Variants in SPIN3 observed in about 807,000 individuals in gnomAD.
SPIN3 encodes the protein spindlin-3.
For synonymous variants in SPIN3, 74 were observed against 74.3 expected (o/e 1.00, Z 0.02); for missense variants, 176 against 196.4 (o/e 0.90, Z 0.62).
exon 6 of SPIN3, chrX:56,976,861 ATT>A (rs768464125): frequency 1.8e-5 from 2 of 111,902 alleles, no homozygotes; most frequent in Non-Finnish European, 3.8e-5. Flanking sequence ...ACCAAATTAA[ATT>A]TGTCAGTATA....
At chrX:56,976,891 T>C (rs945562701) in exon 6 of SPIN3, 1 of 111,918 alleles carries the variant, frequency 8.9e-6, no homozygotes, top group African/African-American at 3.2e-5. Flanking sequence ...TAAAATAAGA[T>C]TGCTAGCCAA....
chrX:56,987,710 T>C (rs1028550007), downstream of SPIN3, among the ~76,000 whole-genome samples: 1 of 111,872 alleles, frequency 8.9e-6, no homozygotes, highest in South Asian at 3.7e-4. Context: ...TCCAGTAATG[T>C]TATAAAGATT....
chrX:56,990,257 G>A (rs1924301275), downstream of SPIN3, among the ~76,000 whole-genome samples: 1 of 111,644 alleles, frequency 9.0e-6, no homozygotes, highest in African/African-American at 3.3e-5. Flanking sequence ...GAATGAAACT[G>A]ACACACAGAG....
rs760370128 is a variant in SPIN3 at position 56,991,214 on chromosome X, G to A, written c.*2957C>T. 45 of 112,236 alleles carry A rather than the reference G, an allele frequency of 4.0e-4. No individual in the cohort carries two copies. The highest frequency in any genetic ancestry group is 1.4e-3 in the African/African-American group (44 of 30,964). The allele number at this position is 112,236 out of a possible 1,213,427, so 9.2% of individuals were successfully genotyped here. Reference sequence around the variant, plus strand: ...TACCAGCTTTATAGCTGATAGAGCTGGATTGGAGAACATGGCTTGGACCTG... The same window carrying A: ...TACCAGCTTTATAGCTGATAGAGCTAGATTGGAGAACATGGCTTGGACCTG... On this transcript the variant is annotated 3_prime_UTR_variant, in exon 2 of 2. Coordinates refer to ENST00000374919, the MANE Select transcript of SPIN3 (RefSeq NM_001010862.3).
intron 3 of SPIN3, among the ~76,000 whole-genome samples, chrX:56,980,777 C>T (rs1924099738): frequency 9.1e-6 from 1 of 110,118 alleles, no homozygotes; most frequent in Non-Finnish European, 1.9e-5. Flanking sequence ...AAGGCCCGCA[C>T]AGCTCTTAAA....
At chrX:56,976,487 A>C (rs1207688434) in exon 6 of SPIN3, 1 of 111,841 alleles carries the variant, frequency 8.9e-6, no homozygotes, top group Non-Finnish European at 1.9e-5. Flanking sequence ...TTCTCTGAGG[A>C]AATTAAAAGC....
chrX:56,979,894 G>A (rs1196862062), intron 3 of SPIN3: 1 of 112,040 alleles, frequency 8.9e-6, no homozygotes, highest in Admixed American at 9.5e-5. Context: ...TTAAGACCTC[G>A]TTCATAGGAC....
At position 56,980,933 on chromosome X, in the gene SPIN3, G is replaced by T. The variant is rs1278576968; in HGVS notation, c.*205-2273C>A. On this transcript the variant is annotated intron_variant and NMD_transcript_variant, in intron 3 of 5. Coordinates refer to the SPIN3 transcript ENST00000475785. ...TACAGAACATTACCGGCATTAAAAA[G>T]AAAAAAAATAAAAAGAAACATATTA... Among the ~76,000 whole-genome samples, 4 of 102,034 alleles carry T rather than the reference G, an allele frequency of 3.9e-5. No homozygotes were observed. In the East Asian group the frequency reaches 1.2e-3, roughly 31 times the overall value. 88.6% of individuals were successfully genotyped at this position (102,034 alleles called of 115,157 possible).
At chrX:56,987,375 T>C, downstream of SPIN3, among the ~76,000 whole-genome samples, 1 of 110,548 alleles carries the variant, frequency 9.0e-6, no homozygotes, top group African/African-American at 3.3e-5. Context: ...TTGCATGGGC[T>C]GGCTTCTTTA....
At position 56,991,854 on chromosome X, in the gene SPIN3, C is replaced by T. The variant is rs1333537718; in HGVS notation, c.*2317G>A. 4.2e-6 allele frequency: 1 copy of T among 238,927 alleles called. No homozygotes were observed. The highest frequency in any genetic ancestry group is 2.8e-5 in the African/African-American group (1 of 35,301). The allele number at this position is 238,927 out of a possible 1,213,427, so 19.7% of individuals were successfully genotyped here. On this transcript the variant is annotated 3_prime_UTR_variant, in exon 2 of 2. Coordinates refer to ENST00000374919, the MANE Select transcript of SPIN3 (RefSeq NM_001010862.3). Reference sequence around the variant, plus strand: ...TGATCACAATTGCAGCCCTAATTTACAATTATGTCCAGCCATATTTCCTGA... The same window carrying T: ...TGATCACAATTGCAGCCCTAATTTATAATTATGTCCAGCCATATTTCCTGA...
At chrX:56,983,924 G>A (rs1159708553) in intron 3 of SPIN3, among the ~76,000 whole-genome samples, 1 of 112,240 alleles carries the variant, frequency 8.9e-6, no homozygotes, top group African/African-American at 3.2e-5. Context: ...AGAGCCGTAG[G>A]TTAACTAGGT....
rs1214495752 is a variant in SPIN3, at chrX:56,994,690, T to C, written c.258A>G (p.Lys86=). The change falls in exon 2 of 2, where the codon AAA becomes AAG. Residue 86 remains lysine, a synonymous_variant. Transcript: ENST00000374919. The part of the protein sequence containing the change: ...VPVNPSLYLI[K]YDGFDCVYGL... ...CATAAACACAGTCAAATCCATCATA[T>C]TTGATAAGATACAGAGAGGGATTTA... 8.3e-7 allele frequency: 1 copy of C among 1,210,379 alleles called. No homozygotes were observed. Among genetic ancestry groups the C allele is most frequent in the Non-Finnish European group, 1.1e-6 (1 of 895,333 alleles).
chrX:56,994,183 T>C lies in SPIN3; in HGVS notation c.765A>G (p.Val255=), dbSNP rs1378892512. 10 of 1,199,595 alleles carry C rather than the reference T, an allele frequency of 8.3e-6. No homozygotes were observed. Among genetic ancestry groups the C allele is most frequent in the Middle Eastern group, 2.3e-4 (1 of 4,313 alleles). ...TTCAAGATGACCTCTAAGATGTTTT[T>C]ACCAAATCGTAGACATAGATATGGA... The part of the protein sequence containing the change: ...DDFHIYVYDL[V]KTS The change falls in exon 2 of 2, where the codon GTA becomes GTG. Residue 255 remains valine, a synonymous_variant. Transcript: ENST00000374919.
rs1163910473 is a variant in SPIN3 at position 56,993,583 on chromosome X, G to A, written c.*588C>T. ...TCAGCCTATGGTTAGGTACTAAAAT[G>A]CAAAGTAATTACCTTCTTAATTCTA... On this transcript the variant is annotated 3_prime_UTR_variant, in exon 2 of 2. Transcript: ENST00000374919. 1 of 112,314 alleles carries A rather than the reference G, an allele frequency of 8.9e-6. No individual in the cohort carries two copies. The highest frequency in any genetic ancestry group is 1.9e-5 in the Non-Finnish European group (1 of 53,312). The allele number at this position is 112,314 out of a possible 1,213,427, so 9.3% of individuals were successfully genotyped here.
chrX:56,987,433 GAAGT>G (rs1247780444), downstream of SPIN3, among the ~76,000 whole-genome samples: 1 of 110,597 alleles, frequency 9.0e-6, no homozygotes, highest in Non-Finnish European at 1.9e-5. Context: ...ACCTTTTGCT[GAAGT>G]AGTTCCCTTA....
In SPIN3 at chrX:56,994,389, G is replaced by A. The variant is rs1026391954; in HGVS notation, c.559C>T (p.Arg187Cys). 2.5e-6 allele frequency: 3 copies of A among 1,211,194 alleles called. No individual in the cohort carries two copies. The highest frequency in any genetic ancestry group is 2.2e-5 in the Admixed American group (1 of 46,015). ...GAATCATTGGAATCTTGAAGGATGC[G>A]GAGGTCACCATCTTTATAATCATCT... ...LLDDYKDGDL[R>C]ILQDSNDSPL... The change falls in exon 2 of 2, where the codon CGC becomes TGC. Residue 187 changes from arginine (R) to cysteine (C), a missense_variant. Coordinates refer to ENST00000374919, the MANE Select transcript of SPIN3 (RefSeq NM_001010862.3).
Position 56,992,601 on chromosome X carries a change from T to G in SPIN3, c.*1570A>C, listed in dbSNP as rs1291911908. ...AACTTAAACTAATTTGGAAGATATC[T>G]TGCAGTACAGTCCCAATATGATTGT... On this transcript the variant is annotated 3_prime_UTR_variant, in exon 2 of 2. Coordinates refer to ENST00000374919, the MANE Select transcript of SPIN3 (RefSeq NM_001010862.3). 2 of 295,335 alleles carry G rather than the reference T, an allele frequency of 6.8e-6. No homozygotes were observed. The highest frequency in any genetic ancestry group is 1.2e-4 in the Admixed American group (2 of 16,214). The allele number at this position is 295,335 out of a possible 1,213,427, so 24.3% of individuals were successfully genotyped here.
chrX:56,995,462 C>T lies in SPIN3; in HGVS notation c.-249G>A, dbSNP rs1228574035. 8.7e-6 allele frequency: 1 copy of T among 114,587 alleles called. No homozygotes were observed. The highest frequency in any genetic ancestry group is 3.2e-5 in the African/African-American group (1 of 30,898). The allele number at this position is 114,587 out of a possible 1,213,427, so 9.4% of individuals were successfully genotyped here. A position where few individuals can be genotyped will look rare whatever the true frequency, so the allele number is the denominator to read the frequency against. On this transcript the variant is annotated 5_prime_UTR_variant, in exon 1 of 2. Coordinates refer to ENST00000374919, the MANE Select transcript of SPIN3 (RefSeq NM_001010862.3). ...CTTGGCTCCTGCGTCCTCCGCCTTC[C>T]TGGTGGCGGCGGCGGTGGCGGTGGC... is the stretch of plus-strand genomic sequence containing the variant.
chrX:56,984,088 C>A (rs1039055793), intron 3 of SPIN3, among the ~76,000 whole-genome samples: 1 of 111,501 alleles, frequency 9.0e-6, no homozygotes, highest in African/African-American at 3.3e-5. Flanking sequence ...CATACCAGCA[C>A]GGCCCTCTAA....
Sources: allele counts gnomAD v4.1 joint callset (sites outside exome capture counted in the v4.1 genomes callset), GRCh38; gene constraint gnomAD v4.1.1; transcripts MANE v1.5; gene names NCBI Gene and HGNC (gene_info 2026-07-23, HGNC 2026-07-21).